Variants in MMP2 observed in about 807,000 individuals in gnomAD.
The protein encoded by MMP2 is matrix metallopeptidase 2, also known as 72 kDa type IV collagenase.
Under a neutral mutation model 74.8 loss-of-function variants are expected in MMP2, and 39 were observed. That is an observed-to-expected ratio of 0.52 (90% confidence interval 0.40 to 0.68). The LOEUF is 0.68. Ranked by LOEUF, MMP2 falls within the 30% of genes least tolerant of loss-of-function variation. The pLI is 0.00. For missense variants in MMP2, 803 were observed against 878.3 expected (o/e 0.91, Z 1.08); for synonymous variants, 367 against 339.8 (o/e 1.08, Z -0.88).
Position 55,484,148 on chromosome 16 carries a change from C to A in MMP2, c.513C>A (p.Ile171=), listed in dbSNP as rs1962180375. The A allele has an allele frequency of 6.2e-7, 1 of 1,614,008 alleles. No individual in the cohort carries two copies. The highest frequency in any genetic ancestry group is 8.5e-7 in the Non-Finnish European group (1 of 1,180,042). ...ATGATGGAGAGGCAGACATCATGATCAACTTTGGCCGCTGGGGTAGGCAGA... is the reference window on the plus strand; with the variant it reads ...ATGATGGAGAGGCAGACATCATGATAAACTTTGGCCGCTGGGGTAGGCAGA... ...RIHDGEADIM[I]NFGRWEHGDG... Residue 171 remains isoleucine, a synonymous_variant, in exon 3 of 13, where the codon ATC becomes ATA. Coordinates refer to ENST00000219070, the MANE Select transcript of MMP2 (RefSeq NM_004530.6).
intron 6 of MMP2, 90 bp from the exon 7 acceptor site, chr16:55,489,561 T>A: frequency 6.7e-7 from 1 of 1,486,870 alleles, no homozygotes; most frequent in Non-Finnish European, 9.3e-7. Flanking sequence ...AACTTAGGTG[T>A]GGTTCATTAA....
At chr16:55,496,470 C>T (rs1962530927) in intron 9 of MMP2, among the ~76,000 whole-genome samples, 1 of 152,146 alleles carries the variant, frequency 6.6e-6, no homozygotes, top group Admixed American at 6.5e-5. Context: ...TAGTAGGACC[C>T]TCAATAAATG....
chr16:55,493,272 A>T lies in MMP2; in HGVS notation c.1451A>T (p.Glu484Val). Reference protein sequence around the residue: ...VFDGIAQIRGEIFFFKDRFIW... With the variant: ...VFDGIAQIRGVIFFFKDRFIW... ...GATGGCATCGCTCAGATCCGTGGTG[A>T]GATCTTCTTCTTCAAGGACCGGTGA... Residue 484 changes from glutamate to valine, a missense_variant, in exon 9 of 13, where the codon GAG (glutamate) becomes GTG (valine). Glu to Val is a moderately radical substitution (Grantham distance 121). This residue lies in a region of MMP2 where 555 missense variants were observed against 592.0 expected (regional missense o/e 0.94). Coordinates refer to ENST00000219070, the MANE Select transcript of MMP2 (RefSeq NM_004530.6). 6.2e-7 allele frequency: 1 copy of T among 1,614,092 alleles called. No homozygotes were observed. Among genetic ancestry groups the T allele is most frequent in the Non-Finnish European group, 8.5e-7 (1 of 1,180,026 alleles).
At chr16:55,495,333 C>A (rs541873568) in intron 9 of MMP2, among the ~76,000 whole-genome samples, 32 of 152,204 alleles carry the variant, frequency 2.1e-4, no homozygotes, top group Non-Finnish European at 2.9e-5. Context: ...CAGACCCAGG[C>A]TGGAGCCATC....
chr16:55,481,548 G>A, intron 1 of MMP2: 1 of 318,058 alleles, frequency 3.1e-6, no homozygotes, highest in Non-Finnish European at 5.7e-6. Flanking sequence ...GTCTCATTCT[G>A]TGACTAAGAA....
intron 6 of MMP2, 98 bp downstream of exon 6, chr16:55,488,814 G>T: frequency 7.7e-7 from 1 of 1,295,752 alleles, no homozygotes; most frequent in Non-Finnish European, 1.1e-6. Flanking sequence ...CTTTCCCCAA[G>T]ACAGGGGTGC....
At chr16:55,501,631 C>T (rs1242468163) in intron 11 of MMP2, among the ~76,000 whole-genome samples, 2 of 152,136 alleles carry the variant, frequency 1.3e-5, no homozygotes, top group African/African-American at 2.4e-5. Context: ...TTAAGGAAGG[C>T]GTTAGTTCTT....
chr16:55,504,290 A>G (rs1385847927), intron 12 of MMP2, among the ~76,000 whole-genome samples: 5 of 152,236 alleles, frequency 3.3e-5, no homozygotes, highest in African/African-American at 1.2e-4. Context: ...ATTCAGATTT[A>G]AAGACAAAAC....
At chr16:55,497,213 T>A in intron 10 of MMP2, 151 bp downstream of exon 10, 1 of 1,104,450 alleles carries the variant, frequency 9.1e-7, no homozygotes, top group Non-Finnish European at 1.3e-6. Context: ...CTTTCAACAT[T>A]ATTTCCTGAA....
In MMP2 at chr16:55,491,937, G is replaced by A. The variant is rs1389821959; in HGVS notation, c.1317G>A (p.Lys439=). Residue 439 remains lysine (K), a synonymous_variant, in exon 8 of 13, where the codon AAG becomes AAA. Transcript: ENST00000219070. ...KNFRLSQDDI[K]GIQELYGASP... is the part of the protein sequence containing the mutation. ...TCCGTCTGTCCCAGGATGACATCAA[G>A]GGCATTCAGGAGCTCTATGGTAAAC... 3.7e-6 allele frequency: 6 copies of A among 1,614,040 alleles called. No individual in the cohort carries two copies. The highest frequency in any genetic ancestry group is 2.2e-5 in the East Asian group (1 of 44,860).
At chr16:55,494,463 T>A (rs1297744795) in intron 9 of MMP2, among the ~76,000 whole-genome samples, 1 of 152,236 alleles carries the variant, frequency 6.6e-6, no homozygotes, top group South Asian at 2.1e-4. Context: ...CCAAATACTT[T>A]GCTAGGCTTT....
chr16:55,505,456 C>T lies in MMP2; in HGVS notation c.*14C>T. On this transcript the variant is annotated 3_prime_UTR_variant, in exon 13 of 13. Coordinates refer to ENST00000219070, the MANE Select transcript of MMP2 (RefSeq NM_004530.6). ...CTAGGCTGCTGAGCTGGCCCTGGCT[C>T]CCACAGGCCCTTCCTCTCCACTGCC... 1 of 1,608,770 alleles carries T rather than the reference C, an allele frequency of 6.2e-7. No homozygotes were observed. Among genetic ancestry groups the T allele is most frequent in the South Asian group, 1.1e-5 (1 of 90,978 alleles).
At chr16:55,490,722 A>G (rs945445820) in intron 7 of MMP2, among the ~76,000 whole-genome samples, 3 of 152,208 alleles carry the variant, frequency 2.0e-5, no homozygotes, top group Non-Finnish European at 4.4e-5. Flanking sequence ...GTCAGTGGAC[A>G]GAGGCTGGCC....
Position 55,479,257 on chromosome 16 carries a change from A to T in MMP2, c.-223A>T. On this transcript the variant is annotated 5_prime_UTR_variant, in exon 1 of 13. Transcript: ENST00000219070. ...GCTGCGCATCTGGGGCTTTAAACAT[A>T]CAAAGGGATTGCCAGGACCTGCGGC... 2.9e-6 allele frequency: 1 copy of T among 344,464 alleles called. No homozygotes were observed. Among genetic ancestry groups the T allele is most frequent in the Non-Finnish European group, 5.0e-6 (1 of 199,872 alleles). 21.3% of individuals were successfully genotyped at this position (344,464 alleles called of 1,614,324 possible).
intron 5 of MMP2, chr16:55,487,404 C>A (rs998967172): frequency 6.6e-6 from 1 of 152,260 alleles, no homozygotes; most frequent in African/African-American, 2.4e-5. Flanking sequence ...TCGAAGTTAA[C>A]GCTTTGCCTT....
At position 55,479,563 on chromosome 16, in the gene MMP2, C is replaced by T; in HGVS notation, c.84C>T (p.Ala28=). The change falls in exon 1 of 13, where the codon GCC becomes GCT. Residue 28 remains alanine, a synonymous_variant. Coordinates refer to ENST00000219070, the MANE Select transcript of MMP2 (RefSeq NM_004530.6). ...TGGGCTGCCTGCTGAGCCACGCCGC[C>T]GCCGCGCCGTCGCCCATCATCAAGT... The part of the protein sequence containing the change: ...CLLGCLLSHA[A]AAPSPIIKFP... 1.2e-6 allele frequency: 2 copies of T among 1,613,180 alleles called. No individual in the cohort carries two copies. The highest frequency in any genetic ancestry group is 2.7e-5 in the African/African-American group (2 of 75,054).
chr16:55,479,730 AGCGT>A, intron 1 of MMP2, 98 bp downstream of exon 1: 1 of 1,506,584 alleles, frequency 6.6e-7, no homozygotes, highest in Non-Finnish European at 9.1e-7. Flanking sequence ...GTGGGCACAC[AGCGT>A]GGGGGAGGGG....
At chr16:55,489,845 G>C in intron 7 of MMP2, 21 bp downstream of exon 7, 1 of 1,612,656 alleles carries the variant, frequency 6.2e-7, no homozygotes. Flanking sequence ...CTGGTCATTG[G>C]ACAGAGACCC....
At chr16:55,483,761 G>C (rs1185483137) in intron 2 of MMP2, among the ~76,000 whole-genome samples, 1 of 152,156 alleles carries the variant, frequency 6.6e-6, no homozygotes, top group Non-Finnish European at 1.5e-5. Context: ...GGGACTCCCT[G>C]GGTCTTCAAG....
Sources: gnomAD v4.1 joint callset for allele counts (sites outside exome capture counted in the v4.1 genomes callset) on GRCh38, gnomAD v4.1.1 for gene constraint, gnomAD v4.1.1 regional missense constraint, MANE v1.5 for transcripts, NCBI Gene and HGNC (gene_info 2026-07-23, HGNC 2026-07-21) for gene names.